Variants in PELI2 observed in about 807,000 individuals in gnomAD.
The protein encoded by PELI2 is E3 ubiquitin-protein ligase pellino homolog 2.
A neutral mutation model predicts 42.3 loss-of-function variants in PELI2; 23 were observed. That is an observed-to-expected ratio of 0.54 (90% CI 0.39 to 0.77). PELI2 has a LOEUF of 0.77. Ranked by LOEUF, PELI2 falls within the 30% of genes least tolerant of loss-of-function variation. The probability of loss-of-function intolerance (pLI) is 0.00; values close to 1 mark genes in which losing one functional copy is unlikely to be tolerated. For missense variants in PELI2, 463 were observed against 553.2 expected (o/e 0.84, Z 1.64); for synonymous variants, 245 against 212.2 (o/e 1.15, Z -1.34).
At chr14:56,200,518 G>A (rs766366778) in intron 2 of PELI2, among the ~76,000 whole-genome samples, 4 of 152,120 alleles carry the variant, frequency 2.6e-5, no homozygotes, top group African/African-American at 9.7e-5. Flanking sequence ...ACCCTATAGG[G>A]TACCATCTAG....
intron 1 of PELI2, among the ~76,000 whole-genome samples, chr14:56,129,373 A>G (rs1034419158): frequency 2.6e-5 from 4 of 152,382 alleles, no homozygotes; most frequent in Non-Finnish European, 5.9e-5. Flanking sequence ...GTGAGGTGAG[A>G]TAACGTGATC....
At chr14:56,291,573 AAGG>A (rs1399390287) in intron 5 of PELI2, among the ~76,000 whole-genome samples, 1 of 152,264 alleles carries the variant, frequency 6.6e-6, no homozygotes, top group Non-Finnish European at 1.5e-5. Context: ...ATTGTAAACA[AAGG>A]AGGAAATGTG....
intron 2 of PELI2, among the ~76,000 whole-genome samples, chr14:56,182,697 T>TC (rs2139674852): frequency 6.6e-6 from 1 of 152,344 alleles, no homozygotes; most frequent in Non-Finnish European, 1.5e-5. Context: ...ACCAGGCTGC[T>TC]CTTCACCGTG....
Position 56,273,401 on chromosome 14 carries a change from TAC to T in PELI2, c.208-6274_208-6273del, listed in dbSNP as rs1193074402. Among the ~76,000 whole-genome samples, 3 of 152,180 alleles carry T rather than the reference TAC, an allele frequency of 2.0e-5. No individual in the cohort carries two copies. Reference sequence around the variant, plus strand: ...GCATTCTCTTGGTCATTGAGCAAGCTACTGAAGCCAGCCCAGATGCCAGATGA... The same window carrying T: ...GCATTCTCTTGGTCATTGAGCAAGCTTGAAGCCAGCCCAGATGCCAGATGA... On this transcript the variant is annotated intron_variant, in intron 2 of 5. Transcript: ENST00000267460. The surrounding 1 kb of genome is among the most constrained non-coding windows in gnomAD (Gnocchi z 4.3).
intron 1 of PELI2, among the ~76,000 whole-genome samples, chr14:56,164,113 C>T (rs533179951): frequency 5.9e-5 from 9 of 152,144 alleles, no homozygotes; most frequent in South Asian, 4.1e-4. Flanking sequence ...CAGTGGGCAT[C>T]GTTGTTATGT....
chr14:56,152,923 A>G (rs1200287995), intron 1 of PELI2, among the ~76,000 whole-genome samples: 1 of 152,188 alleles, frequency 6.6e-6, no homozygotes, highest in Non-Finnish European at 1.5e-5. Flanking sequence ...TTTCTGCAAG[A>G]CATCATCCCA....
intron 1 of PELI2, among the ~76,000 whole-genome samples, chr14:56,130,164 G>A (rs532426037): frequency 6.6e-6 from 1 of 152,264 alleles, no homozygotes; most frequent in South Asian, 2.1e-4. Context: ...CCAGAGGGCT[G>A]GCTCCTGAGC....
Position 56,161,734 on chromosome 14 carries a change from AT to A in PELI2, c.78-16593del, listed in dbSNP as rs556243697. On this transcript the variant is annotated intron_variant, in intron 1 of 5. Transcript: ENST00000267460. Reference sequence around the variant, plus strand: ...ATTTTGAATGAATACATATATATATATTTTTTTTCAGTTATATCTTAAGCAG... The same window carrying A: ...ATTTTGAATGAATACATATATATATATTTTTTTCAGTTATATCTTAAGCAG... Among the ~76,000 whole-genome samples, 5 of 151,974 alleles carry A rather than the reference AT, an allele frequency of 3.3e-5. No homozygotes were observed. The South Asian group carries it at 6.2e-4, about 19-fold the overall frequency.
chr14:56,178,259 AT>A, intron 1 of PELI2, 75 bp from the exon 2 acceptor site: 1 of 1,491,920 alleles, frequency 6.7e-7, no homozygotes, highest in Non-Finnish European at 9.3e-7. Context: ...CTTTTCCCTT[AT>A]TCAATACCTC....
intron 5 of PELI2, among the ~76,000 whole-genome samples, chr14:56,294,507 A>T (rs891317194): frequency 2.6e-5 from 4 of 152,212 alleles, no homozygotes; most frequent in African/African-American, 9.6e-5. Context: ...GGCAGCAGAA[A>T]GCCGCCAAAG....
At chr14:56,143,059 G>C (rs1394293504) in intron 1 of PELI2, among the ~76,000 whole-genome samples, 1 of 151,084 alleles carries the variant, frequency 6.6e-6, no homozygotes. Context: ...TTTTTTTTTG[G>C]TTCCACAATC....
chr14:56,143,387 T>G (rs139238784), intron 1 of PELI2, among the ~76,000 whole-genome samples: 213 of 152,368 alleles, frequency 1.4e-3, no homozygotes, highest in Non-Finnish European at 2.5e-3. Flanking sequence ...GTAGTTATTA[T>G]TGTTCCCTTG....
intron 1 of PELI2, among the ~76,000 whole-genome samples, chr14:56,145,465 T>C (rs562357760): frequency 6.6e-6 from 1 of 152,304 alleles, no homozygotes; most frequent in African/African-American, 2.4e-5. Flanking sequence ...AATAGTTCAG[T>C]GAATGACAGA....
chr14:56,189,487 T>C (rs1366547393), intron 2 of PELI2, among the ~76,000 whole-genome samples: 1 of 152,182 alleles, frequency 6.6e-6, no homozygotes, highest in Non-Finnish European at 1.5e-5. Flanking sequence ...ATTTCACAGG[T>C]TGGGAATGTA....
chr14:56,271,504 T>C (rs1436465720), intron 2 of PELI2, among the ~76,000 whole-genome samples: 3 of 152,256 alleles, frequency 2.0e-5, no homozygotes, highest in Non-Finnish European at 4.4e-5. Context: ...TCATTTTGTA[T>C]AGTTGTTTAT....
chr14:56,234,234 A>G (rs886987192), intron 2 of PELI2, among the ~76,000 whole-genome samples: 1 of 152,218 alleles, frequency 6.6e-6, no homozygotes, highest in Non-Finnish European at 1.5e-5. Context: ...CATTTGACCC[A>G]GCCATCCCAT....
chr14:56,226,302 C>T (rs1394467648), intron 2 of PELI2, among the ~76,000 whole-genome samples: 1 of 152,172 alleles, frequency 6.6e-6, no homozygotes, highest in African/African-American at 2.4e-5. Flanking sequence ...TGCTTTTCAC[C>T]CCTGCCCACC....
chr14:56,288,623 A>G lies in PELI2; in HGVS notation c.496A>G (p.Ile166Val). The change falls in exon 4 of 6, where the codon ATA (isoleucine) becomes GTA (valine). Residue 166 changes from isoleucine to valine, a missense_variant. By Grantham distance (29) the Ile-to-Val change is conservative. Coordinates refer to ENST00000267460, the MANE Select transcript of PELI2 (RefSeq NM_021255.3). The surrounding 1 kb of genome is among the most constrained non-coding windows in gnomAD (Gnocchi z 4.6). ...CGCCGGATTTGACTCTTCCAAAAAC[A>G]TATTTCTTGGAGTAAGTACTGTCAA... ...FAAGFDSSKNIFLGEKAAKWK... is the reference protein window; with the variant it reads ...FAAGFDSSKNVFLGEKAAKWK... 3 of 1,611,144 alleles carry G rather than the reference A, an allele frequency of 1.9e-6. No individual in the cohort carries two copies. The highest frequency in any genetic ancestry group is 2.5e-6 in the Non-Finnish European group (3 of 1,177,730).
chr14:56,227,904 T>G (rs185296683), intron 2 of PELI2, among the ~76,000 whole-genome samples: 2 of 152,324 alleles, frequency 1.3e-5, no homozygotes, highest in African/African-American at 2.4e-5. Flanking sequence ...CTGGACAGTA[T>G]AAGCACCGAA....
Sources: gnomAD v4.1 joint callset for allele counts (sites outside exome capture counted in the v4.1 genomes callset) on GRCh38, gnomAD v4.1.1 for gene constraint, Gnocchi (gnomAD v3.1) non-coding constraint, MANE v1.5 for transcripts, NCBI Gene and HGNC (gene_info 2026-07-23, HGNC 2026-07-21) for gene names.